GRIK2: variants seen among roughly 807,000 people sequenced by gnomAD.
GRIK2 encodes glutamate ionotropic receptor kainate type subunit 2.
GRIK2 carries 32 observed loss-of-function variants against 100.3 expected under a neutral mutation model. The observed-to-expected ratio is 0.32, with a 90% confidence interval of 0.24 to 0.43. GRIK2 has a LOEUF of 0.43. Among genes scored for constraint, GRIK2 ranks in the 20% least tolerant of loss-of-function variants. GRIK2 has a pLI of 1.00. For synonymous variants in GRIK2, 417 were observed against 389.4 expected (o/e 1.07, Z -0.83); for missense variants, 843 against 1,114.9 (o/e 0.76, Z 3.47).
chr6:101,763,607 ATTC>A (rs973058726), intron 7 of GRIK2, among the ~76,000 whole-genome samples: 8 of 152,172 alleles, frequency 5.3e-5, no homozygotes, highest in African/African-American at 9.7e-5. Context: ...ACCAGGGGAA[ATTC>A]TTCTTCTTTG....
chr6:101,790,950 C>T (rs1320987664), intron 7 of GRIK2, among the ~76,000 whole-genome samples: 8 of 152,118 alleles, frequency 5.3e-5, no homozygotes, highest in South Asian at 4.2e-4. Context: ...GTGTATATGT[C>T]GAGGAATTTA....
chr6:101,955,327 C>T (rs1311205078), intron 14 of GRIK2, among the ~76,000 whole-genome samples: 3 of 152,008 alleles, frequency 2.0e-5, no homozygotes, highest in African/African-American at 7.2e-5. Context: ...GCCGTTTGGT[C>T]CTAAGCTTTT....
At chr6:101,925,841 A>T (rs1789853724) in intron 13 of GRIK2, among the ~76,000 whole-genome samples, 1 of 152,016 alleles carries the variant, frequency 6.6e-6, no homozygotes, top group South Asian at 2.1e-4. Context: ...TTGCATGTTT[A>T]ATTTTATGCA....
chr6:101,558,011 A>T (rs747864025), intron 2 of GRIK2, among the ~76,000 whole-genome samples: 2 of 152,178 alleles, frequency 1.3e-5, no homozygotes, highest in Non-Finnish European at 2.9e-5. Context: ...CAAATTGTAG[A>T]CACAGTGATC....
chr6:102,030,960 A>T (rs1331465687), intron 14 of GRIK2, among the ~76,000 whole-genome samples: 2 of 150,806 alleles, frequency 1.3e-5, no homozygotes, highest in Non-Finnish European at 1.5e-5. Context: ...CTAAAATTTG[A>T]TCTTCTTTCA....
At chr6:101,509,157 CAAAA>C (rs397885238) in intron 2 of GRIK2, among the ~76,000 whole-genome samples, 5 of 100,306 alleles carry the variant, frequency 5.0e-5, no homozygotes, top group Non-Finnish European at 2.1e-5. Context: ...GACTCTGTCT[CAAAA>C]AAAAAAAAAA....
At chr6:101,650,430 T>A (rs939646921) in intron 4 of GRIK2, among the ~76,000 whole-genome samples, 2 of 151,878 alleles carry the variant, frequency 1.3e-5, no homozygotes, top group African/African-American at 4.8e-5. Context: ...GTCTCCAAAT[T>A]CCCCTGTCAA....
chr6:101,586,405 A>G (rs1778365028), intron 2 of GRIK2, among the ~76,000 whole-genome samples: 1 of 152,154 alleles, frequency 6.6e-6, no homozygotes, highest in Non-Finnish European at 1.5e-5. Flanking sequence ...ACATTGTAAC[A>G]TAAAAAGTGA....
chr6:101,615,625 T>G (rs1582830187), intron 2 of GRIK2, among the ~76,000 whole-genome samples: 1 of 151,826 alleles, frequency 6.6e-6, no homozygotes, highest in East Asian at 1.9e-4. Context: ...CACATGCTTA[T>G]GAAATACTAT....
chr6:102,046,180 A>T (rs1770877295), intron 15 of GRIK2, among the ~76,000 whole-genome samples: 2 of 152,182 alleles, frequency 1.3e-5, no homozygotes, highest in South Asian at 4.1e-4. Flanking sequence ...ATTCACCTGA[A>T]TATATAAAGC....
chr6:101,966,087 A>G (rs1792654597), intron 14 of GRIK2, among the ~76,000 whole-genome samples: 1 of 151,962 alleles, frequency 6.6e-6, no homozygotes, highest in African/African-American at 2.4e-5. Context: ...TAATCTGTAA[A>G]TTTTCTCCTC....
At chr6:101,630,237 G>C (rs1333148409) in intron 4 of GRIK2, among the ~76,000 whole-genome samples, 1 of 152,056 alleles carries the variant, frequency 6.6e-6, no homozygotes. Context: ...ACCCAGTAAT[G>C]GTATTGCTGA....
chr6:101,469,682 TA>T (rs1348811488), intron 2 of GRIK2, among the ~76,000 whole-genome samples: 2 of 152,192 alleles, frequency 1.3e-5, no homozygotes, highest in Admixed American at 6.6e-5. Flanking sequence ...CTTCGTTTAA[TA>T]ATATCCTGAA....
rs141711435 is a variant in GRIK2 at position 101,837,830 on chromosome 6, C to T, written c.1317+19347C>T. ...GGAGAAGAATGAAATATTTCTTGTA[C>T]TGTCTCTGGTTAATCAAGGATTATT... On this transcript the variant is annotated intron_variant, in intron 10 of 16. Transcript: ENST00000369134. 9.9e-4 allele frequency among the ~76,000 whole-genome samples: 151 copies of T among 152,206 alleles called. 1 individual carries two copies. Among genetic ancestry groups the T allele is most frequent in the African/African-American group, 3.5e-3 (147 of 41,540 alleles).
intron 14 of GRIK2, among the ~76,000 whole-genome samples, chr6:101,930,637 T>C (rs1051347426): frequency 1.3e-5 from 2 of 152,062 alleles, no homozygotes; most frequent in Admixed American, 1.3e-4. Flanking sequence ...AGTAGCAAAG[T>C]TCATTTTTGA....
intron 7 of GRIK2, among the ~76,000 whole-genome samples, chr6:101,794,461 A>C (rs563888180): frequency 2.3e-4 from 35 of 151,622 alleles, no homozygotes; most frequent in African/African-American, 8.2e-4. Context: ...TTTATATCAA[A>C]GGTTATTATT....
chr6:101,795,133 T>C (rs1318909803), intron 7 of GRIK2, among the ~76,000 whole-genome samples: 2 of 152,084 alleles, frequency 1.3e-5, no homozygotes, highest in Non-Finnish European at 2.9e-5. Flanking sequence ...TCCCAAAGTG[T>C]TGGAATTACA....
chr6:101,689,592 G>A (rs1771946126), intron 7 of GRIK2, among the ~76,000 whole-genome samples: 1 of 152,098 alleles, frequency 6.6e-6, no homozygotes, highest in Non-Finnish European at 1.5e-5. Context: ...AGATGTTAAT[G>A]TTAGTAACTC....
intron 2 of GRIK2, among the ~76,000 whole-genome samples, chr6:101,512,888 C>A (rs1251320414): frequency 3.3e-5 from 5 of 151,982 alleles, no homozygotes; most frequent in Non-Finnish European, 7.4e-5. Flanking sequence ...AATATCTTTC[C>A]TATGATTACT....
Sources: gnomAD v4.1 joint callset for allele counts (sites outside exome capture counted in the v4.1 genomes callset) on GRCh38, gnomAD v4.1.1 for gene constraint, MANE v1.5 for transcripts, NCBI Gene and HGNC (gene_info 2026-07-23, HGNC 2026-07-21) for gene names.